TNNI3K: variants seen among roughly 807,000 people sequenced by gnomAD.
The protein encoded by TNNI3K is serine/threonine-protein kinase TNNI3K.
TNNI3K carries 140 observed loss-of-function variants against 114.5 expected under a neutral mutation model. The ratio of observed to expected loss-of-function variants is 1.22; its 90% CI spans 1.07 to 1.41. The LOEUF is 1.41. TNNI3K is among the 40% of genes most tolerant of loss of function. The pLI, the probability that TNNI3K is intolerant of heterozygous loss-of-function variation, is 0.00. For missense variants in TNNI3K, 1,125 were observed against 1,007.6 expected, an observed-to-expected ratio of 1.12 and a Z score of -1.58; for synonymous variants, 347 against 347.5, an observed-to-expected ratio of 1.00 and a Z score of 0.02.
chr1:74,255,006 A>G (rs1474019002), intron 4 of TNNI3K, among the ~76,000 whole-genome samples: 1 of 152,168 alleles, frequency 6.6e-6, no homozygotes, highest in African/African-American at 2.4e-5. Context: ...CCTTTGTTCT[A>G]CAGATATCAG....
intron 20 of TNNI3K, among the ~76,000 whole-genome samples, chr1:74,463,176 T>C (rs1262570447): frequency 6.6e-6 from 1 of 152,220 alleles, no homozygotes; most frequent in Non-Finnish European, 1.5e-5. Flanking sequence ...CAAAACTACT[T>C]GCTCCTTGCA....
At chr1:74,542,911 C>T (rs1006663186) in intron 24 of TNNI3K, among the ~76,000 whole-genome samples, 1 of 152,056 alleles carries the variant, frequency 6.6e-6, no homozygotes, top group African/African-American at 2.4e-5. Flanking sequence ...ACATCCAAGG[C>T]TATTGCTTCA....
chr1:74,407,160 AT>A (rs1389785079), intron 17 of TNNI3K, among the ~76,000 whole-genome samples: 1 of 152,218 alleles, frequency 6.6e-6, no homozygotes, highest in Non-Finnish European at 1.5e-5. Context: ...AATTTTTGCT[AT>A]CTCCTCTGCA....
Position 74,512,052 on chromosome 1 carries a change from C to T in TNNI3K, c.2351+19786C>T, listed in dbSNP as rs185996908. Among the ~76,000 whole-genome samples, 5 of 152,302 alleles carry T rather than the reference C, an allele frequency of 3.3e-5. No homozygotes were observed. In the East Asian group the frequency reaches 9.7e-4, roughly 29 times the overall value. On this transcript the variant is annotated intron_variant, in intron 23 of 24. Transcript: ENST00000326637. ...CTTCATGCAGCTTCCCTTCCAGTCA[C>T]TGAGACCTCAGACTCTTCTCTTCAT...
intron 5 of TNNI3K, among the ~76,000 whole-genome samples, chr1:74,312,823 C>T (rs1250090535): frequency 4.6e-5 from 7 of 152,172 alleles, no homozygotes; most frequent in African/African-American, 1.2e-4. Context: ...AATCTTAAAA[C>T]GGGAGTTGAG....
At chr1:74,500,496 T>C (rs1669561923) in intron 23 of TNNI3K, among the ~76,000 whole-genome samples, 1 of 149,818 alleles carries the variant, frequency 6.7e-6, no homozygotes, top group Admixed American at 6.6e-5. Context: ...CCCAGCTACT[T>C]GGGAGGCTGA....
At chr1:74,512,667 C>G (rs1035661893) in intron 23 of TNNI3K, 6 of 152,238 alleles carry the variant, frequency 3.9e-5, no homozygotes, top group East Asian at 1.9e-4. Context: ...CACACCACCC[C>G]CTCCTGGCTT....
At chr1:74,533,820 C>G (rs536927644) in intron 23 of TNNI3K, among the ~76,000 whole-genome samples, 9 of 152,190 alleles carry the variant, frequency 5.9e-5, no homozygotes, top group Non-Finnish European at 1.5e-5. Flanking sequence ...GGACAAAAAA[C>G]CAAACACCGC....
At chr1:74,543,062 C>CT (rs1557639388) in intron 24 of TNNI3K, among the ~76,000 whole-genome samples, 9 of 104,618 alleles carry the variant, frequency 8.6e-5, no homozygotes, top group East Asian at 2.8e-4. Context: ...TTTTCTTTTT[C>CT]CCTTTTTTTT....
chr1:74,270,627 C>G (rs917636134), intron 4 of TNNI3K, among the ~76,000 whole-genome samples: 8 of 151,530 alleles, frequency 5.3e-5, no homozygotes, highest in Non-Finnish European at 1.0e-4. Context: ...TCAAACTTTG[C>G]CTTTTAATGG....
intron 9 of TNNI3K, among the ~76,000 whole-genome samples, chr1:74,344,732 T>C (rs1040339879): frequency 1.3e-5 from 2 of 152,186 alleles, no homozygotes; most frequent in African/African-American, 4.8e-5. Context: ...CTCCAAAAGA[T>C]TGTTTATATG....
chr1:74,285,478 C>T (rs1447138192), intron 5 of TNNI3K, among the ~76,000 whole-genome samples: 6 of 152,166 alleles, frequency 3.9e-5, no homozygotes. Context: ...TTTCATGAAA[C>T]TGTTGGATCC....
chr1:74,294,602 C>T (rs771611855), intron 5 of TNNI3K, among the ~76,000 whole-genome samples: 6 of 152,006 alleles, frequency 3.9e-5, no homozygotes, highest in Non-Finnish European at 8.8e-5. Context: ...TAAATGTTTT[C>T]ACTTCTTCCT....
Position 74,519,791 on chromosome 1 carries a change from G to A in TNNI3K, c.2352-20443G>A, listed in dbSNP as rs549124092. On this transcript the variant is annotated intron_variant, in intron 23 of 24. Transcript: ENST00000326637. ...GAAGATATGTTATAGTCAAGCCAAA[G>A]CTTTAAGTTTATAATGTGTGTCATT... Among the ~76,000 whole-genome samples the A allele has an allele frequency of 2.0e-5, 3 of 152,244 alleles. No homozygotes were observed. The East Asian group carries it at 5.8e-4, about 29-fold the overall frequency.
intron 20 of TNNI3K, among the ~76,000 whole-genome samples, chr1:74,459,303 C>G (rs1356528483): frequency 6.6e-6 from 1 of 152,158 alleles, no homozygotes; most frequent in Non-Finnish European, 1.5e-5. Flanking sequence ...TGAAAAGACA[C>G]AGTCCCTGAC....
intron 5 of TNNI3K, among the ~76,000 whole-genome samples, chr1:74,307,149 A>C (rs183950215): frequency 1.3e-5 from 2 of 152,288 alleles, no homozygotes; most frequent in Admixed American, 1.3e-4. Flanking sequence ...TGGAAATGAA[A>C]ACACAATACT....
chr1:74,483,393 G>A, intron 21 of TNNI3K: 1 of 716,306 alleles, frequency 1.4e-6, no homozygotes, highest in Non-Finnish European at 2.6e-6. Flanking sequence ...GAAAGTAGAG[G>A]GCAATGTATA....
At chr1:74,247,491 G>C (rs369779518) in intron 2 of TNNI3K, among the ~76,000 whole-genome samples, 1 of 152,198 alleles carries the variant, frequency 6.6e-6, no homozygotes, top group African/African-American at 2.4e-5. Flanking sequence ...GCAAGTTGCC[G>C]ATGGTGGCTG....
At position 74,259,123 on chromosome 1, in the gene TNNI3K, G is replaced by GATCT. The variant is rs533254341; in HGVS notation, c.333+8376_333+8379dup. On this transcript the variant is annotated intron_variant, in intron 4 of 24. Transcript: ENST00000326637. ...AGAAATTTAACCAATAGGATTAATG[G>GATCT]ATCTATCTATCTATCTATCTATCTA... Among the ~76,000 whole-genome samples the GATCT allele has an allele frequency of 1.6e-3, 242 of 152,104 alleles. 3 individuals carry two copies. Among genetic ancestry groups the GATCT allele is most frequent in the South Asian group, 0.012 (58 of 4,820 alleles).
Sources: gnomAD v4.1 joint callset for allele counts (sites outside exome capture counted in the v4.1 genomes callset) on GRCh38, gnomAD v4.1.1 for gene constraint, MANE v1.5 for transcripts, NCBI Gene and HGNC (gene_info 2026-07-23, HGNC 2026-07-21) for gene names.